MYO3B: variants seen among roughly 807,000 people sequenced by gnomAD.
The protein encoded by MYO3B is myosin IIIB, also known as myosin-IIIb.
MYO3B carries 156 observed loss-of-function variants against 174.6 expected under a neutral mutation model. The observed-to-expected ratio is 0.89, with a 90% CI of 0.78 to 1.02. MYO3B has a LOEUF of 1.02. MYO3B is among the 50% of genes least tolerant of loss of function. The pLI is 0.00. For missense variants in MYO3B, 1,632 were observed against 1,639.4 expected (o/e 1.00, Z 0.08); for synonymous variants, 563 against 569.1 (o/e 0.99, Z 0.15).
chr2:170,503,974 A>T (rs372594208), intron 28 of MYO3B, among the ~76,000 whole-genome samples: 62 of 152,314 alleles, frequency 4.1e-4, no homozygotes, highest in African/African-American at 1.5e-3. Context: ...TATTTTCCTT[A>T]TCTTTAGATT....
chr2:170,614,877 G>A (rs1053955680), intron 32 of MYO3B, among the ~76,000 whole-genome samples: 26 of 152,074 alleles, frequency 1.7e-4, no homozygotes, highest in African/African-American at 6.3e-4. Context: ...ACTCTTCACA[G>A]CCTCATTCCT....
At chr2:170,283,694 T>C (rs3845735) in intron 7 of MYO3B, among the ~76,000 whole-genome samples, 127,197 of 152,114 alleles carry the variant, frequency 0.84, 53,573 homozygotes, top group East Asian at 0.96. Flanking sequence ...TCTTCCTAGA[T>C]TGGAAGATTC....
At chr2:170,560,854 C>T (rs933449248) in intron 32 of MYO3B, among the ~76,000 whole-genome samples, 7 of 152,192 alleles carry the variant, frequency 4.6e-5, no homozygotes, top group Non-Finnish European at 8.8e-5. Context: ...CATGCTAACT[C>T]ATTAGCCTGG....
intron 8 of MYO3B, chr2:170,349,808 AAAAAAG>A: frequency 6.6e-6 from 1 of 152,368 alleles, no homozygotes; most frequent in Non-Finnish European, 1.5e-5. Context: ...AAAAAAAAAA[AAAAAAG>A]AAAGAAAGAA....
At chr2:170,536,701 AAG>A (rs1689703075) in intron 30 of MYO3B, among the ~76,000 whole-genome samples, 1 of 152,222 alleles carries the variant, frequency 6.6e-6, no homozygotes, top group Non-Finnish European at 1.5e-5. Flanking sequence ...ATATTTTGCA[AAG>A]AGATAAGCAA....
intron 25 of MYO3B, among the ~76,000 whole-genome samples, chr2:170,486,956 A>G (rs542239921): frequency 4.6e-5 from 7 of 152,272 alleles, no homozygotes; most frequent in Admixed American, 2.6e-4. Context: ...ATGTTCCCCT[A>G]AGTCAATGGT....
chr2:170,316,859 A>T (rs1362724410), intron 7 of MYO3B, among the ~76,000 whole-genome samples: 1 of 152,214 alleles, frequency 6.6e-6, no homozygotes, highest in Admixed American at 6.5e-5. Context: ...GGTGCCACTG[A>T]TGGCTACACA....
intron 32 of MYO3B, among the ~76,000 whole-genome samples, chr2:170,620,868 C>T (rs1355743281): frequency 6.6e-6 from 1 of 152,148 alleles, no homozygotes; most frequent in Middle Eastern, 3.2e-3. Context: ...TCTCTAGCCT[C>T]TCAGGGTGTT....
At position 170,602,293 on chromosome 2, in the gene MYO3B, CG is replaced by C. The variant is rs1694562929; in HGVS notation, c.3734-49333del. The C allele has an allele frequency of 4.1e-6, 3 of 730,766 alleles. No individual in the cohort carries two copies. In the African/African-American group the frequency reaches 5.2e-5, roughly 13 times the overall value. The allele number at this position is 730,766 out of a possible 1,614,324, so 45.3% of individuals were successfully genotyped here. A position where few individuals can be genotyped will look rare whatever the true frequency, so the allele number is the denominator to read the frequency against. The stretch of plus-strand genomic sequence containing the variant: ...GTGCCCGTCCGGCTCTCACTTGCCC[CG>C]GCACTGTCTCTGTGGAGCTCAATGT... On this transcript the variant is annotated intron_variant, in intron 32 of 34. Coordinates refer to ENST00000408978, the MANE Select transcript of MYO3B (RefSeq NM_138995.5).
intron 7 of MYO3B, among the ~76,000 whole-genome samples, chr2:170,278,761 CT>C (rs113988432): frequency 0.071 from 10,751 of 152,082 alleles, 1,245 homozygotes; most frequent in African/African-American, 0.24. Context: ...CCTTATCCCC[CT>C]AACCCCCGCC....
At chr2:170,649,687 T>C (rs1436707157) in intron 32 of MYO3B, among the ~76,000 whole-genome samples, 1 of 150,262 alleles carries the variant, frequency 6.7e-6, no homozygotes, top group African/African-American at 2.4e-5. Flanking sequence ...ATTTGCTGGG[T>C]GTGGTGGTGC....
At chr2:170,207,205 C>T (rs2092722001) in intron 3 of MYO3B, among the ~76,000 whole-genome samples, 2 of 152,078 alleles carry the variant, frequency 1.3e-5, no homozygotes, top group East Asian at 1.9e-4. Context: ...CATCCTCATT[C>T]TAATCTTGTC....
chr2:170,613,831 C>A (rs530981703), intron 32 of MYO3B, among the ~76,000 whole-genome samples: 1 of 152,302 alleles, frequency 6.6e-6, no homozygotes, highest in South Asian at 2.1e-4. Context: ...TGCTTCCTGT[C>A]CTCGAACGTG....
intron 30 of MYO3B, among the ~76,000 whole-genome samples, chr2:170,526,511 A>C (rs1689010760): frequency 6.6e-6 from 1 of 152,172 alleles, no homozygotes; most frequent in Non-Finnish European, 1.5e-5. Flanking sequence ...TTAGAGACAA[A>C]TTTTATTTTC....
intron 7 of MYO3B, among the ~76,000 whole-genome samples, chr2:170,289,910 T>G (rs1280988435): frequency 6.6e-6 from 1 of 152,094 alleles, no homozygotes; most frequent in Non-Finnish European, 1.5e-5. Context: ...CATTTTTGTG[T>G]GTTTCAAGAA....
At chr2:170,328,554 G>A (rs1319227076) in intron 7 of MYO3B, among the ~76,000 whole-genome samples, 1 of 152,112 alleles carries the variant, frequency 6.6e-6, no homozygotes, top group Non-Finnish European at 1.5e-5. Context: ...AGGATACTAA[G>A]TGTTCATTTG....
rs569483893 is a variant in MYO3B at position 170,573,962 on chromosome 2, T to G, written c.3733+29974T>G. ...TTCTTACTAGTGCTTAGAGTTGGAATATGCCTTAGAATTCACCATTAGAAA... is the reference window on the plus strand; with the variant it reads ...TTCTTACTAGTGCTTAGAGTTGGAAGATGCCTTAGAATTCACCATTAGAAA... On this transcript the variant is annotated intron_variant, in intron 32 of 34. Coordinates refer to ENST00000408978, the MANE Select transcript of MYO3B (RefSeq NM_138995.5). Among the ~76,000 whole-genome samples, 3 of 152,290 alleles carry G rather than the reference T, an allele frequency of 2.0e-5. 1 individual carries two copies. The highest frequency in any genetic ancestry group is 7.2e-5 in the African/African-American group (3 of 41,574).
At chr2:170,297,662 G>A (rs143191679) in intron 7 of MYO3B, among the ~76,000 whole-genome samples, 6 of 152,236 alleles carry the variant, frequency 3.9e-5, no homozygotes, top group Middle Eastern at 3.4e-3. Context: ...TTGCAGCAAA[G>A]AGCACTTTTC....
intron 22 of MYO3B, among the ~76,000 whole-genome samples, chr2:170,416,815 GTTGTTTTTT>G (rs1160472555): frequency 4.4e-5 from 3 of 68,128 alleles, no homozygotes; most frequent in Non-Finnish European, 8.2e-5. Context: ...CTTTTTTTCT[GTTGTTTTTT>G]TTTTTTTTTT....
Sources: allele counts gnomAD v4.1 joint callset (sites outside exome capture counted in the v4.1 genomes callset), GRCh38; gene constraint gnomAD v4.1.1; transcripts MANE v1.5; gene names NCBI Gene and HGNC (gene_info 2026-07-23, HGNC 2026-07-21).